The following SPATS2L variants were observed in gnomAD, a reference collection of about 807,000 sequenced individuals.
SPATS2L encodes SPATS2-like protein.
Under a neutral mutation model 59.6 loss-of-function variants are expected in SPATS2L, and 30 were observed. That is an observed-to-expected ratio of 0.50 (90% CI 0.38 to 0.68). SPATS2L has a LOEUF of 0.68. Among genes scored for constraint, SPATS2L ranks in the 30% least tolerant of loss-of-function variants. The pLI is 0.00. For synonymous variants in SPATS2L, 252 were observed against 263.5 expected (o/e 0.96, Z 0.42); for missense variants, 615 against 700.0 (o/e 0.88, Z 1.37).
At chr2:200,444,912 A>G (rs1370829398) in intron 8 of SPATS2L, among the ~76,000 whole-genome samples, 1 of 151,926 alleles carries the variant, frequency 6.6e-6, no homozygotes, top group African/African-American at 2.4e-5. Context: ...AAACTCAGTT[A>G]TCTTATGTAA....
rs1480081144 is a variant in SPATS2L, at chr2:200,477,909, G to A, written c.1555G>A (p.Glu519Lys). 2.5e-6 allele frequency: 4 copies of A among 1,612,108 alleles called. No homozygotes were observed. Among genetic ancestry groups the A allele is most frequent in the East Asian group, 4.5e-5 (2 of 44,870 alleles). The change falls in exon 13 of 13, where the codon GAG (glutamate) becomes AAG (lysine). Residue 519 changes from glutamate (E) to lysine (K), a missense_variant. This residue lies in a region of SPATS2L where 284 missense variants were observed against 280.1 expected (regional missense o/e 1.01). Coordinates refer to ENST00000409140, the MANE Select transcript of SPATS2L (RefSeq NM_001100423.2). Reference protein sequence around the residue: ...RRRQHAADTSEARPFRGSVGR... With the variant: ...RRRQHAADTSKARPFRGSVGR... ...AAGGCAGCACGCTGCAGACACCTCG[G>A]AGGCCAGGCCCTTCCGGGGTAGTGT...
intron 2 of SPATS2L, among the ~76,000 whole-genome samples, chr2:200,330,978 G>A (rs1389114064): frequency 6.6e-6 from 1 of 152,210 alleles, no homozygotes; most frequent in Admixed American, 6.5e-5. Context: ...TATGCCACAT[G>A]AGCACACTTT....
chr2:200,431,301 C>A (rs1354036569), intron 6 of SPATS2L, among the ~76,000 whole-genome samples: 3 of 152,126 alleles, frequency 2.0e-5, no homozygotes, highest in Non-Finnish European at 4.4e-5. Context: ...ACACAAAGAT[C>A]AATTACCAAA....
chr2:200,329,528 T>A, intron 2 of SPATS2L, 48 bp downstream of exon 2: 1 of 1,501,348 alleles, frequency 6.7e-7, no homozygotes, highest in South Asian at 1.2e-5. Context: ...CCTGCTGCCA[T>A]GGCCAGCTGT....
intron 8 of SPATS2L, among the ~76,000 whole-genome samples, chr2:200,451,815 C>T (rs376826667): frequency 1.4e-5 from 2 of 148,120 alleles, no homozygotes; most frequent in East Asian, 3.9e-4. Context: ...CCCCTTGCCC[C>T]CACCGTTTTC....
intron 1 of SPATS2L, among the ~76,000 whole-genome samples, chr2:200,326,477 G>A: frequency 6.6e-6 from 1 of 152,276 alleles, no homozygotes; most frequent in South Asian, 2.1e-4. Context: ...CTAGGCTTAA[G>A]AAAGCTATTT....
In SPATS2L at chr2:200,471,430, C is replaced by T. The variant is rs908784762; in HGVS notation, c.1061-1402C>T. On this transcript the variant is annotated intron_variant, in intron 11 of 12. Transcript: ENST00000409140. ...AGCGATGCCCTGTCACCACCGATCT[C>T]GGGGCGATGGAGAGGTGCCCCTTCA... 3.9e-5 allele frequency among the ~76,000 whole-genome samples: 6 copies of T among 152,142 alleles called. No individual in the cohort carries two copies. In the East Asian group the frequency reaches 5.8e-4, roughly 15 times the overall value.
intron 1 of SPATS2L, chr2:200,308,823 G>A: frequency 4.1e-6 from 2 of 487,874 alleles, no homozygotes; most frequent in African/African-American, 3.9e-5. Context: ...AATCAACTTA[G>A]TTTAATGTGC....
intron 8 of SPATS2L, among the ~76,000 whole-genome samples, chr2:200,442,454 C>A (rs893245908): frequency 7.2e-5 from 11 of 152,134 alleles, no homozygotes; most frequent in African/African-American, 2.2e-4. Flanking sequence ...CCTAGATAAT[C>A]AAAAAGGCTG....
intron 2 of SPATS2L, among the ~76,000 whole-genome samples, chr2:200,385,915 G>C (rs3769453): frequency 6.6e-6 from 1 of 152,178 alleles, no homozygotes; most frequent in South Asian, 2.1e-4. Context: ...GGATGGTCTC[G>C]ATCTCCTGAC....
chr2:200,408,708 C>T lies in SPATS2L; in HGVS notation c.40-3603C>T, dbSNP rs530310499. On this transcript the variant is annotated intron_variant, in intron 3 of 12. Coordinates refer to ENST00000409140, the MANE Select transcript of SPATS2L (RefSeq NM_001100423.2). ...AGTTTGGGAAACTGAAACCAAACAA[C>T]GTCCATGAAAGTCACACTGCCTCAC... is the stretch of plus-strand genomic sequence containing the variant. Among the ~76,000 whole-genome samples the T allele has an allele frequency of 1.3e-4, 20 of 152,340 alleles. No individual in the cohort carries two copies. The South Asian group carries it at 3.1e-3, about 24-fold the overall frequency.
intron 8 of SPATS2L, among the ~76,000 whole-genome samples, chr2:200,441,029 G>T (rs1255999068): frequency 2.0e-5 from 3 of 152,150 alleles, no homozygotes; most frequent in African/African-American, 7.2e-5. Context: ...CCAAAACTAT[G>T]AATGATGTAA....
chr2:200,380,501 A>C (rs2081769201), intron 2 of SPATS2L, among the ~76,000 whole-genome samples: 1 of 152,266 alleles, frequency 6.6e-6, no homozygotes, highest in Non-Finnish European at 1.5e-5. Flanking sequence ...AGATCTGCTC[A>C]AGTGATATTC....
chr2:200,451,543 G>A (rs1386223740), intron 8 of SPATS2L, among the ~76,000 whole-genome samples: 1 of 152,130 alleles, frequency 6.6e-6, no homozygotes, highest in Non-Finnish European at 1.5e-5. Context: ...CCTGGACTAG[G>A]GTACGGCCTT....
At chr2:200,346,114 A>G (rs959329348) in intron 2 of SPATS2L, among the ~76,000 whole-genome samples, 16 of 152,202 alleles carry the variant, frequency 1.1e-4, no homozygotes, top group Non-Finnish European at 2.1e-4. Flanking sequence ...TCATAGTATT[A>G]CAACCACTTT....
At chr2:200,475,482 G>A (rs1242254713) in intron 12 of SPATS2L, among the ~76,000 whole-genome samples, 1 of 152,190 alleles carries the variant, frequency 6.6e-6, no homozygotes, top group Non-Finnish European at 1.5e-5. Context: ...GGGCTTCCAG[G>A]TCTTAGGCAG....
In SPATS2L at chr2:200,477,978, G is replaced by T; in HGVS notation, c.1624G>T (p.Val542Phe). ...QCNLCPTRIE[V>F]STDAAVLSVP... ...CAATCTCTGCCCCACGAGAATAGAA[G>T]TTTCCACAGATGCAGCAGTTCTCTC... Residue 542 changes from valine (V) to phenylalanine (F), a missense_variant, in exon 13 of 13, where the codon GTT becomes TTT. Physicochemically the swap from Val to Phe is conservative, Grantham distance 50. Transcript: ENST00000409140. The T allele has an allele frequency of 6.3e-7, 1 of 1,597,814 alleles. No individual in the cohort carries two copies. Among genetic ancestry groups the T allele is most frequent in the Non-Finnish European group, 8.5e-7 (1 of 1,172,456 alleles).
intron 2 of SPATS2L, among the ~76,000 whole-genome samples, chr2:200,346,095 T>C (rs72918496): frequency 2.4e-4 from 37 of 152,342 alleles, no homozygotes; most frequent in Non-Finnish European, 3.8e-4. Flanking sequence ...TAATCACCCT[T>C]GGCAGATGTC....
chr2:200,399,215 G>A (rs1227962282), intron 3 of SPATS2L, among the ~76,000 whole-genome samples: 1 of 152,114 alleles, frequency 6.6e-6, no homozygotes. Flanking sequence ...TTGAACAGCA[G>A]TTCTCCATTT....
Sources: gnomAD v4.1 joint callset for allele counts (sites outside exome capture counted in the v4.1 genomes callset) on GRCh38, gnomAD v4.1.1 for gene constraint, gnomAD v4.1.1 regional missense constraint, MANE v1.5 for transcripts, NCBI Gene and HGNC (gene_info 2026-07-23, HGNC 2026-07-21) for gene names.